Variants in NR3C2 observed in about 807,000 individuals in gnomAD.
NR3C2 encodes the protein nuclear receptor subfamily 3 group C member 2.
NR3C2 carries 15 observed loss-of-function variants against 86.4 expected under a neutral mutation model. That is an observed-to-expected ratio of 0.17 (90% CI 0.12 to 0.27). The LOEUF (loss-of-function observed/expected upper bound fraction) is 0.27, where lower values mean the gene tolerates loss of function less well. Ranked by LOEUF, NR3C2 falls within the 10% of genes least tolerant of loss-of-function variation. NR3C2 has a pLI of 1.00. For synonymous variants in NR3C2, 458 were observed against 450.5 expected (o/e 1.02, Z -0.21); for missense variants, 960 against 1,195.6 (o/e 0.80, Z 2.91).
At chr4:148,375,630 TG>T (rs1317790507) in intron 2 of NR3C2, among the ~76,000 whole-genome samples, 1 of 152,200 alleles carries the variant, frequency 6.6e-6, no homozygotes, top group East Asian at 1.9e-4. Flanking sequence ...TGCAGATCCT[TG>T]GTGTTTTGCT....
intron 3 of NR3C2, among the ~76,000 whole-genome samples, chr4:148,255,683 TGA>T (rs1739797404): frequency 6.6e-6 from 1 of 152,238 alleles, no homozygotes; most frequent in Non-Finnish European, 1.5e-5. Context: ...GCATACATAC[TGA>T]GTCTTCAAAA....
At chr4:148,193,839 A>G (rs1736315372) in intron 4 of NR3C2, among the ~76,000 whole-genome samples, 1 of 152,156 alleles carries the variant, frequency 6.6e-6, no homozygotes, top group Non-Finnish European at 1.5e-5. Flanking sequence ...ATTTTGGTGT[A>G]TATAGTTAAG....
chr4:148,409,611 A>G (rs1174240701), intron 2 of NR3C2, among the ~76,000 whole-genome samples: 2 of 152,162 alleles, frequency 1.3e-5, no homozygotes, highest in Non-Finnish European at 2.9e-5. Context: ...TACCTAAAAA[A>G]TTATCTCCAA....
intron 2 of NR3C2, among the ~76,000 whole-genome samples, chr4:148,373,366 T>C (rs1287841733): frequency 6.6e-6 from 1 of 152,134 alleles, no homozygotes; most frequent in Non-Finnish European, 1.5e-5. Context: ...CCAACTATCC[T>C]GTATCATGCC....
chr4:148,343,606 T>C (rs1561053581), intron 2 of NR3C2, among the ~76,000 whole-genome samples: 1 of 152,106 alleles, frequency 6.6e-6, no homozygotes, highest in Non-Finnish European at 1.5e-5. Flanking sequence ...CATTGTGATT[T>C]GCAGACAATT....
chr4:148,174,831 G>T (rs148549999), intron 4 of NR3C2, among the ~76,000 whole-genome samples: 306 of 152,242 alleles, frequency 2.0e-3, no homozygotes, highest in Non-Finnish European at 3.3e-3. Context: ...AGGAAGTAGG[G>T]TCACTGTTTC....
chr4:148,175,806 G>T (rs758006239), intron 4 of NR3C2, among the ~76,000 whole-genome samples: 1 of 152,062 alleles, frequency 6.6e-6, no homozygotes, highest in Non-Finnish European at 1.5e-5. Flanking sequence ...GACTGCTAGA[G>T]TAAGAAAACT....
At chr4:148,119,520 G>C (rs538315920) in intron 7 of NR3C2, among the ~76,000 whole-genome samples, 1 of 152,130 alleles carries the variant, frequency 6.6e-6, no homozygotes, top group Non-Finnish European at 1.5e-5. Context: ...TTGGCCAGGC[G>C]TGGTGGCTCA....
At chr4:148,308,155 G>A (rs1742728420) in intron 2 of NR3C2, among the ~76,000 whole-genome samples, 1 of 152,112 alleles carries the variant, frequency 6.6e-6, no homozygotes, top group Admixed American at 6.5e-5. Flanking sequence ...CCAAGTCTGG[G>A]TGTCTCTCAG....
chr4:148,148,609 G>A (rs995672670), intron 6 of NR3C2, among the ~76,000 whole-genome samples: 1 of 152,056 alleles, frequency 6.6e-6, no homozygotes, highest in African/African-American at 2.4e-5. Flanking sequence ...TCCTGACACT[G>A]GGCCTTTGCA....
At chr4:148,122,919 C>T (rs554547242) in intron 6 of NR3C2, among the ~76,000 whole-genome samples, 5 of 152,060 alleles carry the variant, frequency 3.3e-5, no homozygotes, top group Non-Finnish European at 7.4e-5. Flanking sequence ...AGAATAACAG[C>T]GATTTTTAGG....
intron 2 of NR3C2, among the ~76,000 whole-genome samples, chr4:148,348,921 G>A (rs966008721): frequency 4.6e-5 from 7 of 151,808 alleles, no homozygotes; most frequent in East Asian, 3.9e-4. Flanking sequence ...CCCTTCTTCC[G>A]ACTTTTCAAC....
chr4:148,360,149 A>C (rs1243008289), intron 2 of NR3C2, among the ~76,000 whole-genome samples: 1 of 152,244 alleles, frequency 6.6e-6, no homozygotes. Context: ...TCTTGGCAAT[A>C]CAAATAAATA....
intron 8 of NR3C2, among the ~76,000 whole-genome samples, chr4:148,101,994 C>G (rs1239422212): frequency 1.3e-5 from 2 of 152,210 alleles, no homozygotes; most frequent in Admixed American, 1.3e-4. Context: ...TTCTTCACAA[C>G]CACCTCCCAG....
chr4:148,440,584 CAT>C (rs72645702), intron 1 of NR3C2, among the ~76,000 whole-genome samples: 5 of 152,198 alleles, frequency 3.3e-5, no homozygotes, highest in Non-Finnish European at 7.3e-5. Context: ...ATGCAAAAAA[CAT>C]TATGAACTTT....
At chr4:148,156,451 AG>A (rs1203543261) in intron 4 of NR3C2, among the ~76,000 whole-genome samples, 2 of 152,248 alleles carry the variant, frequency 1.3e-5, no homozygotes, top group African/African-American at 4.8e-5. Flanking sequence ...AAGTGGGCAA[AG>A]GATATGAACA....
chr4:148,112,628 G>C (rs1030771397), intron 8 of NR3C2, among the ~76,000 whole-genome samples: 5 of 152,136 alleles, frequency 3.3e-5, no homozygotes, highest in Non-Finnish European at 5.9e-5. Flanking sequence ...CTGACAATTA[G>C]CAAAACTATT....
chr4:148,375,273 T>G (rs559467718), intron 2 of NR3C2, among the ~76,000 whole-genome samples: 1 of 152,070 alleles, frequency 6.6e-6, no homozygotes, highest in Admixed American at 6.5e-5. Flanking sequence ...CTGGCCAACA[T>G]GGTGAAACCC....
At chr4:148,401,461 CTT>C (rs397881130) in intron 2 of NR3C2, among the ~76,000 whole-genome samples, 73 of 116,894 alleles carry the variant, frequency 6.2e-4, no homozygotes, top group Middle Eastern at 5.1e-3. Context: ...AAAGTTGTCT[CTT>C]TTTTTTTTTT....
Sources: gnomAD v4.1 joint callset for allele counts (sites outside exome capture counted in the v4.1 genomes callset) on GRCh38, gnomAD v4.1.1 for gene constraint, MANE v1.5 for transcripts, NCBI Gene and HGNC (gene_info 2026-07-23, HGNC 2026-07-21) for gene names.